The following OTOP3 variants were observed in gnomAD, a reference collection of about 807,000 sequenced individuals.
The protein encoded by OTOP3 is proton channel OTOP3.
In OTOP3, 41 loss-of-function variants were observed where a neutral mutation model predicts 50.8. The observed-to-expected ratio is 0.81, with a 90% CI of 0.63 to 1.05. OTOP3 has a LOEUF of 1.05. OTOP3 is among the 50% of genes least tolerant of loss of function. OTOP3 has a pLI of 0.00. For synonymous variants in OTOP3, 320 were observed against 324.4 expected, an observed-to-expected ratio of 0.99 and a Z score of 0.14; for missense variants, 788 against 760.8, an observed-to-expected ratio of 1.04 and a Z score of -0.42.
In OTOP3 at chr17:74,936,997, C is replaced by G. The variant is rs1050812919; in HGVS notation, c.19+1057C>G. Among the ~76,000 whole-genome samples, 103 of 116,870 alleles carry G rather than the reference C, an allele frequency of 8.8e-4. 1 individual carries two copies. The highest frequency in any genetic ancestry group is 3.1e-3 in the African/African-American group (97 of 31,480). The allele number at this position is 116,870 out of a possible 152,430, so 76.7% of individuals were successfully genotyped here. ...TTTTTTTTTGAGACAGGGTCTAACTCTGTCCCTCAGGCTGGAGTTCACTGT... is the reference window on the plus strand; with the variant it reads ...TTTTTTTTTGAGACAGGGTCTAACTGTGTCCCTCAGGCTGGAGTTCACTGT... On this transcript the variant is annotated intron_variant, in intron 1 of 6. Transcript: ENST00000328801.
intron 5 of OTOP3, 80 bp from the exon 6 acceptor site, chr17:74,946,581 T>A: frequency 8.1e-7 from 1 of 1,240,750 alleles, no homozygotes; most frequent in East Asian, 2.3e-5. Context: ...TTCCAGGGAA[T>A]GGGAGGTATC....
intron 6 of OTOP3, among the ~76,000 whole-genome samples, chr17:74,948,369 T>A (rs1027211623): frequency 1.9e-4 from 29 of 151,936 alleles, no homozygotes; most frequent in African/African-American, 6.0e-4. Context: ...ACAAAAAAAA[T>A]TTTAAATTAG....
In OTOP3 at chr17:74,949,562, A is replaced by AG; in HGVS notation, c.*149dup. 1 of 952,006 alleles carries AG rather than the reference A, an allele frequency of 1.1e-6. No individual in the cohort carries two copies. The highest frequency in any genetic ancestry group is 1.5e-6 in the Non-Finnish European group (1 of 656,844). 59.0% of individuals were successfully genotyped at this position (952,006 alleles called of 1,614,324 possible). On this transcript the variant is annotated 3_prime_UTR_variant, in exon 7 of 7. Transcript: ENST00000328801. ...GCTCCCCAGAGCCTCACTGAAGGGG[A>AG]GGGCACTGCCTAGAGCCAGAGGCCA... is the stretch of plus-strand genomic sequence containing the variant.
intron 1 of OTOP3, among the ~76,000 whole-genome samples, chr17:74,937,113 C>A (rs1259349931): frequency 2.0e-5 from 3 of 151,978 alleles, no homozygotes; most frequent in Admixed American, 6.6e-5. Flanking sequence ...CAGGTGCATG[C>A]CACTACACCT....
Position 74,941,629 on chromosome 17 carries a change from G to A in OTOP3, c.256G>A (p.Ala86Thr), listed in dbSNP as rs551699554. ...CCTGAATGTGGTGTTCCTGGGTGGC[G>A]CCTTCATCTGCAGCATGATCTTCAA... ...LALNVVFLGG[A>T]FICSMIFNKV... The change falls in exon 2 of 7, where the codon GCC (alanine) becomes ACC (threonine). Residue 86 changes from alanine (A) to threonine (T), a missense_variant. Coordinates refer to ENST00000328801, the MANE Select transcript of OTOP3 (RefSeq NM_001272005.2). The A allele has an allele frequency of 3.3e-5, 54 of 1,613,794 alleles. No individual in the cohort carries two copies. Among genetic ancestry groups the A allele is most frequent in the East Asian group, 4.5e-5 (2 of 44,890 alleles).
chr17:74,948,385 G>C lies in OTOP3; in HGVS notation c.1567-861G>C, dbSNP rs572533577. On this transcript the variant is annotated intron_variant, in intron 6 of 6. Coordinates refer to ENST00000328801, the MANE Select transcript of OTOP3 (RefSeq NM_001272005.2). Reference sequence around the variant, plus strand: ...CAAAAAAAATTTTAAATTAGTCTGGGCACGGTGGCTCACGCCTGTAAGCCC... The same window carrying C: ...CAAAAAAAATTTTAAATTAGTCTGGCCACGGTGGCTCACGCCTGTAAGCCC... 2.0e-5 allele frequency among the ~76,000 whole-genome samples: 3 copies of C among 152,278 alleles called. No homozygotes were observed. In the East Asian group the frequency reaches 5.8e-4, roughly 29 times the overall value.
intron 3 of OTOP3, 135 bp downstream of exon 3, chr17:74,942,172 C>T (rs2039183720): frequency 9.2e-7 from 1 of 1,089,668 alleles, no homozygotes; most frequent in East Asian, 2.6e-5. Context: ...TTTGCACACA[C>T]ACCACACCCC....
In OTOP3 at chr17:74,940,088, TACACACACAC is replaced by T. The variant is rs35662550; in HGVS notation, c.20-1269_20-1260del. ...TCATACCTGGCTAATATATATATTA[TACACACACAC>T]ACACACACACACACACACACACACA... On this transcript the variant is annotated intron_variant, in intron 1 of 6. Coordinates refer to ENST00000328801, the MANE Select transcript of OTOP3 (RefSeq NM_001272005.2). Among the ~76,000 whole-genome samples the T allele has an allele frequency of 4.4e-3, 540 of 122,340 alleles. 6 individuals are homozygous for T. The highest frequency in any genetic ancestry group is 0.016 in the African/African-American group (490 of 31,012). 80.3% of individuals were successfully genotyped at this position (122,340 alleles called of 152,430 possible).
intron 1 of OTOP3, among the ~76,000 whole-genome samples, chr17:74,938,444 A>G (rs1247053448): frequency 6.6e-6 from 1 of 152,072 alleles, no homozygotes; most frequent in African/African-American, 2.4e-5. Context: ...CGCAGAGAGG[A>G]GGCAGGGTCT....
In OTOP3 at chr17:74,943,691, G is replaced by A; in HGVS notation, c.718G>A (p.Ala240Thr). The A allele has an allele frequency of 6.2e-7, 1 of 1,610,528 alleles. No individual in the cohort carries two copies. The highest frequency in any genetic ancestry group is 8.5e-7 in the Non-Finnish European group (1 of 1,179,858). The change falls in exon 5 of 7, where the codon GCT becomes ACT. Residue 240 changes from alanine to threonine, a missense_variant. By Grantham distance (58) the Ala-to-Thr change is moderately conservative. Transcript: ENST00000328801. Reference sequence around the variant, plus strand: ...TGACTCCATGCACCGAGAGATCGAAGCTGAGCTTGGCATCCTCATGGAAAA... The same window carrying A: ...TGACTCCATGCACCGAGAGATCGAAACTGAGCTTGGCATCCTCATGGAAAA... Reference protein sequence around the residue: ...TNDSMHREIEAELGILMEKST... With the variant: ...TNDSMHREIETELGILMEKST...
chr17:74,942,198 C>G (rs550352294), intron 3 of OTOP3, among the ~76,000 whole-genome samples, 161 bp downstream of exon 3: 7 of 152,326 alleles, frequency 4.6e-5, no homozygotes, highest in Admixed American at 3.3e-4. Flanking sequence ...CAAGTGTCCA[C>G]GTCCACACAT....
In OTOP3 at chr17:74,943,664, A is replaced by G. The variant is rs150670748; in HGVS notation, c.691A>G (p.Asn231Asp). The G allele has an allele frequency of 1.2e-6, 2 of 1,612,932 alleles. No individual in the cohort carries two copies. Among genetic ancestry groups the G allele is most frequent in the Non-Finnish European group, 1.7e-6 (2 of 1,179,904 alleles). The change falls in exon 5 of 7, where the codon AAT becomes GAT. Residue 231 changes from asparagine (N) to aspartate (D), a missense_variant. By Grantham distance (23) the Asn-to-Asp change is conservative. Transcript: ENST00000328801. Reference sequence around the variant, plus strand: ...GCTGCTGTGGGTTCTGGCCGTTACCAATGACTCCATGCACCGAGAGATCGA... The same window carrying G: ...GCTGCTGTGGGTTCTGGCCGTTACCGATGACTCCATGCACCGAGAGATCGA... The part of the protein sequence containing the change: ...NLLLWVLAVT[N>D]DSMHREIEAE...
intron 6 of OTOP3, 52 bp downstream of exon 6, chr17:74,947,527 AG>A (rs2039241981): frequency 6.8e-7 from 1 of 1,473,502 alleles, no homozygotes; most frequent in Non-Finnish European, 9.1e-7. Flanking sequence ...AGGCAGACCC[AG>A]AAAGCCTCAC....
At position 74,945,406 on chromosome 17, in the gene OTOP3, G is replaced by A. The variant is rs188744086; in HGVS notation, c.752-1255G>A. On this transcript the variant is annotated intron_variant, in intron 5 of 6. Transcript: ENST00000328801. ...AGCCCCAGAAATGTCTTTTACAGAC[G>A]GTTTGTTCAAACATGCAATGCATTT... Among the ~76,000 whole-genome samples, 9 of 152,230 alleles carry A rather than the reference G, an allele frequency of 5.9e-5. No individual in the cohort carries two copies. The East Asian group carries it at 1.5e-3, about 26-fold the overall frequency.
intron 1 of OTOP3, among the ~76,000 whole-genome samples, chr17:74,940,172 GT>G (rs11327542): frequency 0.094 from 9,414 of 99,782 alleles, 249 homozygotes; most frequent in African/African-American, 0.15. Context: ...CGGCTTTTTT[GT>G]TTTTTTTTTT....
chr17:74,936,744 G>A (rs2039119699), intron 1 of OTOP3, among the ~76,000 whole-genome samples: 1 of 152,104 alleles, frequency 6.6e-6, no homozygotes, highest in South Asian at 2.1e-4. Flanking sequence ...CAGGCCTCCA[G>A]TCTGAATAAA....
intron 1 of OTOP3, among the ~76,000 whole-genome samples, chr17:74,940,302 C>T (rs2039159192): frequency 6.6e-6 from 1 of 151,660 alleles, no homozygotes. Flanking sequence ...CCACCATGCT[C>T]AGCCTAAAAT....
At chr17:74,940,663 T>G (rs1408132768) in intron 1 of OTOP3, among the ~76,000 whole-genome samples, 1 of 152,136 alleles carries the variant, frequency 6.6e-6, no homozygotes, top group Non-Finnish European at 1.5e-5. Context: ...CCACTCCTCA[T>G]GAGAATCTAA....
At chr17:74,939,208 G>A (rs796732055) in intron 1 of OTOP3, among the ~76,000 whole-genome samples, 12 of 152,186 alleles carry the variant, frequency 7.9e-5, no homozygotes, top group African/African-American at 2.7e-4. Context: ...AGAGCAACTT[G>A]TGAGCTGGAA....
Sources: allele counts gnomAD v4.1 joint callset (sites outside exome capture counted in the v4.1 genomes callset), GRCh38; gene constraint gnomAD v4.1.1; transcripts MANE v1.5; gene names NCBI Gene and HGNC (gene_info 2026-07-23, HGNC 2026-07-21).